The following LSAMP variants were observed in gnomAD, a reference collection of about 807,000 sequenced individuals.
LSAMP encodes the protein limbic system associated membrane protein, also known as limbic system-associated membrane protein.
In LSAMP, 7 loss-of-function variants were observed where a neutral mutation model predicts 38.6. The ratio of observed to expected loss-of-function variants is 0.18; its 90% CI spans 0.10 to 0.34. The LOEUF (loss-of-function observed/expected upper bound fraction) is 0.34. LSAMP is among the 10% of genes least tolerant of loss of function. The pLI, the probability that LSAMP is intolerant of heterozygous loss-of-function variation, is 1.00. For missense variants in LSAMP, 313 were observed against 420.0 expected (o/e 0.75, Z 2.23); for synonymous variants, 154 against 166.8 (o/e 0.92, Z 0.59).
At chr3:115,858,793 C>T (rs1380260413) in intron 3 of LSAMP, among the ~76,000 whole-genome samples, 2 of 152,070 alleles carry the variant, frequency 1.3e-5, no homozygotes, top group African/African-American at 4.8e-5. Context: ...GAAAAGCAAG[C>T]TATGAACTTC....
intron 3 of LSAMP, among the ~76,000 whole-genome samples, chr3:115,928,387 T>C (rs576421250): frequency 6.6e-6 from 1 of 152,320 alleles, no homozygotes; most frequent in African/African-American, 2.4e-5. Flanking sequence ...CAGTGCCTAG[T>C]AGTTCACAAT....
intron 1 of LSAMP, among the ~76,000 whole-genome samples, chr3:116,287,098 G>T (rs961677104): frequency 6.6e-6 from 1 of 152,028 alleles, no homozygotes; most frequent in African/African-American, 2.4e-5. Context: ...TTTCTTGGAA[G>T]GTTTATATGT....
intron 1 of LSAMP, among the ~76,000 whole-genome samples, chr3:116,128,736 G>C (rs1709062122): frequency 4.0e-5 from 1 of 25,230 alleles, no homozygotes; most frequent in African/African-American, 1.5e-4. Context: ...CTCACTATTT[G>C]ATAAGCAAAC....
chr3:116,262,514 A>C (rs1301559412), intron 1 of LSAMP, among the ~76,000 whole-genome samples: 1 of 152,204 alleles, frequency 6.6e-6, no homozygotes, highest in Non-Finnish European at 1.5e-5. Flanking sequence ...TAAGATGCCC[A>C]AGCCCTGTCT....
intron 1 of LSAMP, among the ~76,000 whole-genome samples, chr3:116,181,882 T>C (rs1576416504): frequency 6.6e-6 from 1 of 152,094 alleles, no homozygotes; most frequent in Non-Finnish European, 1.5e-5. Context: ...ATCTCTTTCG[T>C]GGGAATCAAG....
chr3:116,438,458 A>G (rs1016514873), intron 1 of LSAMP, among the ~76,000 whole-genome samples: 1 of 152,220 alleles, frequency 6.6e-6, no homozygotes, highest in Non-Finnish European at 1.5e-5. Context: ...CTTGTTGACC[A>G]TTTTGAACTT....
intron 2 of LSAMP, among the ~76,000 whole-genome samples, chr3:116,042,663 C>T (rs770533050): frequency 6.6e-5 from 10 of 152,088 alleles, no homozygotes; most frequent in Non-Finnish European, 1.2e-4. Context: ...CTCCTGATCT[C>T]GTGATCCACC....
chr3:115,953,981 T>C (rs1309783296), intron 3 of LSAMP, among the ~76,000 whole-genome samples: 2 of 152,188 alleles, frequency 1.3e-5, no homozygotes, highest in Non-Finnish European at 2.9e-5. Context: ...CTAAAGCAAA[T>C]GCCCCTGCAC....
intron 3 of LSAMP, among the ~76,000 whole-genome samples, chr3:115,944,770 A>T (rs1051339413): frequency 6.6e-6 from 1 of 152,182 alleles, no homozygotes; most frequent in Non-Finnish European, 1.5e-5. Context: ...GCTGAGCTAG[A>T]ATTAAAACCC....
intron 2 of LSAMP, among the ~76,000 whole-genome samples, chr3:116,076,859 C>T (rs1464155810): frequency 6.6e-6 from 1 of 151,976 alleles, no homozygotes; most frequent in African/African-American, 2.4e-5. Flanking sequence ...ATGTTCTCTC[C>T]ATTGTTTATT....
intron 2 of LSAMP, among the ~76,000 whole-genome samples, chr3:116,068,954 A>C (rs1448384757): frequency 6.6e-6 from 1 of 152,204 alleles, no homozygotes; most frequent in African/African-American, 2.4e-5. Flanking sequence ...ATTACAGAGA[A>C]AGAACTTGCT....
At chr3:116,328,395 G>T (rs1324164151) in intron 1 of LSAMP, among the ~76,000 whole-genome samples, 3 of 152,144 alleles carry the variant, frequency 2.0e-5, no homozygotes, top group African/African-American at 7.2e-5. Flanking sequence ...AGAAATGCAA[G>T]TGTGTTTACA....
intron 1 of LSAMP, among the ~76,000 whole-genome samples, chr3:116,110,877 G>T (rs775722220): frequency 2.2e-4 from 34 of 152,186 alleles, no homozygotes; most frequent in Non-Finnish European, 2.6e-4. Flanking sequence ...CCTGGGTGCA[G>T]GTGGGCTGAG....
chr3:116,164,339 C>T (rs991700812), intron 1 of LSAMP, among the ~76,000 whole-genome samples: 12 of 151,712 alleles, frequency 7.9e-5, no homozygotes, highest in Non-Finnish European at 1.8e-4. Context: ...TCTTCCTTTT[C>T]ATTCCTGACT....
At chr3:116,384,804 C>A (rs905375300) in intron 1 of LSAMP, among the ~76,000 whole-genome samples, 5 of 152,102 alleles carry the variant, frequency 3.3e-5, no homozygotes, top group African/African-American at 1.2e-4. Context: ...TTAATAGGTA[C>A]AATTTTCTCA....
chr3:115,863,050 G>T (rs998461435), intron 3 of LSAMP, among the ~76,000 whole-genome samples: 9 of 152,204 alleles, frequency 5.9e-5, no homozygotes, highest in African/African-American at 1.7e-4. Context: ...TGTCTCCACT[G>T]CTATTTATGT....
At chr3:116,315,478 TTCAA>T (rs948104087) in intron 1 of LSAMP, among the ~76,000 whole-genome samples, 2 of 152,170 alleles carry the variant, frequency 1.3e-5, no homozygotes, top group Non-Finnish European at 2.9e-5. Context: ...TGTTAAACTC[TTCAA>T]TCAGTCAATT....
chr3:116,398,548 C>T lies in LSAMP; in HGVS notation c.155+46329G>A, dbSNP rs147447734. The stretch of plus-strand genomic sequence containing the variant: ...TTTGTTTTGATGAAATAGAAAGAGA[C>T]GGTCCTTGGACTATGCAGCACCTAG... On this transcript the variant is annotated intron_variant, in intron 1 of 6. Transcript: ENST00000490035. 7.2e-4 allele frequency among the ~76,000 whole-genome samples: 109 copies of T among 152,236 alleles called. 2 individuals carry two copies. The highest frequency in any genetic ancestry group is 3.9e-4 in the Admixed American group (6 of 15,286).
intron 1 of LSAMP, among the ~76,000 whole-genome samples, chr3:116,288,327 A>G (rs927045241): frequency 2.6e-5 from 4 of 152,212 alleles, no homozygotes; most frequent in African/African-American, 9.6e-5. Context: ...GAAAAGACAG[A>G]TGAGAGAAGG....
Sources: allele counts gnomAD v4.1 joint callset (sites outside exome capture counted in the v4.1 genomes callset), GRCh38; gene constraint gnomAD v4.1.1; transcripts MANE v1.5; gene names NCBI Gene and HGNC (gene_info 2026-07-23, HGNC 2026-07-21).